AGAP1: variants seen among roughly 807,000 people sequenced by gnomAD.
AGAP1 encodes arf-GAP with GTPase, ANK repeat and PH domain-containing protein 1.
A neutral mutation model predicts 105.3 loss-of-function variants in AGAP1; 29 were observed. That is an observed-to-expected ratio of 0.28 (90% CI 0.21 to 0.38). The LOEUF is 0.38. AGAP1 is among the 10% of genes least tolerant of loss of function. The pLI is 1.00. For synonymous variants in AGAP1, 509 were observed against 485.9 expected (o/e 1.05, Z -0.63); for missense variants, 998 against 1,165.1 (o/e 0.86, Z 2.09).
rs1257832975 is a variant in AGAP1 at position 236,126,672 on chromosome 2, CA to C, written c.*2551del. 7.9e-5 allele frequency: 12 copies of C among 152,198 alleles called. 1 individual carries two copies. The highest frequency in any genetic ancestry group is 2.7e-4 in the African/African-American group (11 of 41,434). The allele number at this position is 152,198 out of a possible 1,614,324, so 9.4% of individuals were successfully genotyped here. A position where few individuals can be genotyped will look rare whatever the true frequency, so the allele number is the denominator to read the frequency against. ...TCAGAAAACACAGCCCCTCCTCTACCATTCTCAGTGATGTCCATCTGCTCCA... is the reference window on the plus strand; with the variant it reads ...TCAGAAAACACAGCCCCTCCTCTACCTTCTCAGTGATGTCCATCTGCTCCA... On this transcript the variant is annotated 3_prime_UTR_variant, in exon 18 of 18. Coordinates refer to ENST00000304032, the MANE Select transcript of AGAP1 (RefSeq NM_001037131.3).
chr2:236,009,924 A>G lies in AGAP1; in HGVS notation c.1646-26637A>G, dbSNP rs2056453233. ...CAGGAGGAGACCAGAGGTGACATTA[A>G]TAAGCCTGTGGTTTCCTGGTACAAT... On this transcript the variant is annotated intron_variant, in intron 13 of 17. Coordinates refer to ENST00000304032, the MANE Select transcript of AGAP1 (RefSeq NM_001037131.3). This position sits in a 1 kb window ranked among gnomAD's most constrained non-coding sequence, Gnocchi z 4.2. 6.6e-6 allele frequency among the ~76,000 whole-genome samples: 1 copy of G among 152,178 alleles called. No homozygotes were observed.
intron 16 of AGAP1, among the ~76,000 whole-genome samples, chr2:236,098,841 T>C (rs1211726447): frequency 6.6e-6 from 1 of 151,850 alleles, no homozygotes; most frequent in Non-Finnish European, 1.5e-5. Flanking sequence ...CAGGCTGATT[T>C]CAAACTCTTG....
chr2:235,628,186 C>T (rs186481717), intron 1 of AGAP1, among the ~76,000 whole-genome samples: 1 of 152,206 alleles, frequency 6.6e-6, no homozygotes, highest in East Asian at 1.9e-4. Context: ...AGGGCCAGCC[C>T]CCAGCACACG....
chr2:236,010,773 A>T (rs1311141326), intron 13 of AGAP1, among the ~76,000 whole-genome samples: 2 of 152,246 alleles, frequency 1.3e-5, no homozygotes, highest in Non-Finnish European at 2.9e-5. Context: ...GTTATATTAC[A>T]CAAGGATAAA....
chr2:235,803,057 G>GGT (rs1957642264), intron 8 of AGAP1, among the ~76,000 whole-genome samples: 1 of 30,002 alleles, frequency 3.3e-5, no homozygotes, highest in South Asian at 1.0e-3. Context: ...TTGTGGTGAT[G>GGT]GTGGTGATAG....
chr2:235,956,026 C>T (rs1295813122), intron 12 of AGAP1, among the ~76,000 whole-genome samples: 1 of 152,212 alleles, frequency 6.6e-6, no homozygotes, highest in African/African-American at 2.4e-5. Flanking sequence ...AGGGCTCCTA[C>T]ATCTAATTAC....
chr2:235,575,374 A>T (rs1051974441), intron 1 of AGAP1, among the ~76,000 whole-genome samples: 1 of 152,278 alleles, frequency 6.6e-6, no homozygotes, highest in African/African-American at 2.4e-5. Context: ...AAGATTTGAA[A>T]GAATTTAAAG....
rs1369199746 is a variant in AGAP1, at chr2:235,557,029, G to A, written c.163+62180G>A. Among the ~76,000 whole-genome samples the A allele has an allele frequency of 3.9e-5, 6 of 152,304 alleles. No homozygotes were observed. The highest frequency in any genetic ancestry group is 3.9e-4 in the East Asian group (2 of 5,172). ...TTCTGGAGGTTGGGGGGCGGATCCC[G>A]AAGGCAGACTTGGCCTTCCCAGCTG... On this transcript the variant is annotated intron_variant, in intron 1 of 17. Coordinates refer to ENST00000304032, the MANE Select transcript of AGAP1 (RefSeq NM_001037131.3). The surrounding 1 kb of genome is among the most constrained non-coding windows in gnomAD (Gnocchi z 4.7).
rs2675122 is a variant in AGAP1, at chr2:235,705,103, C to T, written c.164-4076C>T. Among the ~76,000 whole-genome samples the T allele has an allele frequency of 6.6e-6, 1 of 151,192 alleles. No individual in the cohort carries two copies. Among genetic ancestry groups the T allele is most frequent in the Admixed American group, 6.6e-5 (1 of 15,186 alleles). On this transcript the variant is annotated intron_variant, in intron 1 of 17. Transcript: ENST00000304032. The surrounding 1 kb of genome is among the most constrained non-coding windows in gnomAD (Gnocchi z 4.9). ...AAGCACTTCTCCTGCCTCAGCCTCC[C>T]GAGCAGCTGGGATTACAATCATGTG...
At chr2:235,991,116 T>G (rs936683708) in intron 13 of AGAP1, among the ~76,000 whole-genome samples, 7 of 152,242 alleles carry the variant, frequency 4.6e-5, no homozygotes, top group African/African-American at 1.7e-4. Context: ...GCTATATGCT[T>G]ATGTTCTACT....
In AGAP1 at chr2:235,905,431, C is replaced by G. The variant is rs764156934; in HGVS notation, c.1156-3307C>G. 1.3e-5 allele frequency among the ~76,000 whole-genome samples: 2 copies of G among 152,160 alleles called. No homozygotes were observed. The highest frequency in any genetic ancestry group is 2.9e-5 in the Non-Finnish European group (2 of 68,020). ...TATTAATGGAAGTAAACTAAAGATG[C>G]TTGAGAAAAACCTTTTTTAGGAAGT... On this transcript the variant is annotated intron_variant, in intron 10 of 17. Transcript: ENST00000304032. The surrounding 1 kb of genome is among the most constrained non-coding windows in gnomAD (Gnocchi z 4.2).
intron 2 of AGAP1, among the ~76,000 whole-genome samples, chr2:235,710,968 C>T (rs898908311): frequency 2.0e-5 from 3 of 152,126 alleles, no homozygotes; most frequent in Non-Finnish European, 2.9e-5. Flanking sequence ...ACGGTTATCC[C>T]CATTTCACAG....
rs995564055 is a variant in AGAP1 at position 235,888,156 on chromosome 2, C to G, written c.1155+4707C>G. ...GGAACATTGGAGCAAGAGTAAACAACTGAGTCAAGTTTAAACGGAATAGGC... is the reference window on the plus strand; with the variant it reads ...GGAACATTGGAGCAAGAGTAAACAAGTGAGTCAAGTTTAAACGGAATAGGC... On this transcript the variant is annotated intron_variant, in intron 10 of 17. Coordinates refer to ENST00000304032, the MANE Select transcript of AGAP1 (RefSeq NM_001037131.3). The surrounding 1 kb of genome is among the most constrained non-coding windows in gnomAD (Gnocchi z 4.8). Among the ~76,000 whole-genome samples, 2 of 152,088 alleles carry G rather than the reference C, an allele frequency of 1.3e-5. No homozygotes were observed. Among genetic ancestry groups the G allele is most frequent in the Non-Finnish European group, 2.9e-5 (2 of 68,020 alleles).
chr2:235,973,805 G>C lies in AGAP1; in HGVS notation c.1645+5182G>C, dbSNP rs1490084141. On this transcript the variant is annotated intron_variant, in intron 13 of 17. Coordinates refer to ENST00000304032, the MANE Select transcript of AGAP1 (RefSeq NM_001037131.3). This position sits in a 1 kb window ranked among gnomAD's most constrained non-coding sequence, Gnocchi z 4.7. Reference sequence around the variant, plus strand: ...CCCTGCATGGGGTCGGCATGGGTTGGACCAGGGCAGAGGAACCTGGGCTCT... The same window carrying C: ...CCCTGCATGGGGTCGGCATGGGTTGCACCAGGGCAGAGGAACCTGGGCTCT... Among the ~76,000 whole-genome samples, 2 of 152,172 alleles carry C rather than the reference G, an allele frequency of 1.3e-5. No homozygotes were observed. Among genetic ancestry groups the C allele is most frequent in the Non-Finnish European group, 2.9e-5 (2 of 68,038 alleles).
At chr2:235,573,056 T>TCTTCTTCTTC (rs1944614836) in intron 1 of AGAP1, among the ~76,000 whole-genome samples, 1 of 76,034 alleles carries the variant, frequency 1.3e-5, no homozygotes, top group Non-Finnish European at 2.9e-5. Context: ...TTCTTCTTCT[T>TCTTCTTCTTC]CTTCTTTCTT....
intron 1 of AGAP1, among the ~76,000 whole-genome samples, chr2:235,519,590 T>G (rs749883874): frequency 1.3e-5 from 2 of 152,134 alleles, no homozygotes; most frequent in Non-Finnish European, 2.9e-5. Context: ...TGTGTGTGCA[T>G]AGTGAACAAA....
rs2056562717 is a variant in AGAP1 at position 236,012,831 on chromosome 2, T to C, written c.1646-23730T>C. Among the ~76,000 whole-genome samples the C allele has an allele frequency of 6.6e-6, 1 of 152,030 alleles. No homozygotes were observed. The highest frequency in any genetic ancestry group is 1.5e-5 in the Non-Finnish European group (1 of 68,018). ...TCTCTCACTGTCGCCCAGGCTGGAG[T>C]GCAGTGGTACGATCTCAGCTCACTG... On this transcript the variant is annotated intron_variant, in intron 13 of 17. Transcript: ENST00000304032. The surrounding 1 kb of genome is among the most constrained non-coding windows in gnomAD (Gnocchi z 4.9).
Position 235,712,849 on chromosome 2 carries a change from G to A in AGAP1, c.222+3612G>A, listed in dbSNP as rs1043449300. ...CCGTCTTGGTTTACTTCCAGCAGTC[G>A]CTCCGACAGCTTCACGGGTGGCGTG... On this transcript the variant is annotated intron_variant, in intron 2 of 17. Transcript: ENST00000304032. The surrounding 1 kb of genome is among the most constrained non-coding windows in gnomAD (Gnocchi z 6.0). Among the ~76,000 whole-genome samples, 2 of 152,174 alleles carry A rather than the reference G, an allele frequency of 1.3e-5. No individual in the cohort carries two copies. Among genetic ancestry groups the A allele is most frequent in the African/African-American group, 4.8e-5 (2 of 41,454 alleles).
chr2:235,955,928 T>G (rs1020737988), intron 12 of AGAP1, among the ~76,000 whole-genome samples: 2 of 152,202 alleles, frequency 1.3e-5, no homozygotes, highest in Admixed American at 1.3e-4. Flanking sequence ...TAGGACACTT[T>G]CCTGTGCAGC....
Sources: allele counts gnomAD v4.1 joint callset (sites outside exome capture counted in the v4.1 genomes callset), GRCh38; gene constraint gnomAD v4.1.1; non-coding constraint Gnocchi (gnomAD v3.1); transcripts MANE v1.5; gene names NCBI Gene and HGNC (gene_info 2026-07-23, HGNC 2026-07-21).